The following PCDHGA9 variants were observed in gnomAD, a reference collection of about 807,000 sequenced individuals.
PCDHGA9 encodes the protein protocadherin gamma-A9.
A neutral mutation model predicts 62.5 loss-of-function variants in PCDHGA9; 37 were observed. The ratio of observed to expected loss-of-function variants is 0.59; its 90% CI spans 0.46 to 0.78. The LOEUF is 0.78. Among genes scored for constraint, PCDHGA9 ranks in the 30% least tolerant of loss-of-function variants. The probability of loss-of-function intolerance (pLI) is 0.00; values close to 1 mark genes in which losing one functional copy is unlikely to be tolerated. For synonymous variants in PCDHGA9, 459 were observed against 484.6 expected (o/e 0.95, Z 0.69); for missense variants, 1,138 against 1,166.2 (o/e 0.98, Z 0.35).
intron 1 of PCDHGA9, chr5:141,414,689 T>G (rs1256681548): frequency 1.2e-6 from 2 of 1,614,070 alleles, no homozygotes; most frequent in Non-Finnish European, 8.5e-7. Context: ...GGGGTACCTC[T>G]GTCCTCATAC....
chr5:141,434,795 T>C (rs1027924206), intron 1 of PCDHGA9, among the ~76,000 whole-genome samples: 2 of 152,004 alleles, frequency 1.3e-5, no homozygotes, highest in African/African-American at 2.4e-5. Context: ...TTTTTTTTTC[T>C]GAGCTTGGAG....
chr5:141,404,902 C>T lies in PCDHGA9; in HGVS notation c.1950C>T (p.Gly650=). 6.2e-7 allele frequency: 1 copy of T among 1,613,856 alleles called. No individual in the cohort carries two copies. The highest frequency in any genetic ancestry group is 8.5e-7 in the Non-Finnish European group (1 of 1,179,844). ...TTGTGGTGGCTGTACAGGACCATGG[C>T]CAGCCCCCTCTCTCGGCCACTGTCA... is the stretch of plus-strand genomic sequence containing the variant. ...QSLVVAVQDH[G]QPPLSATVTL... is the part of the protein sequence containing the mutation. The change falls in exon 1 of 4, where the codon GGC becomes GGT. Residue 650 remains glycine (G), a synonymous_variant. Transcript: ENST00000573521.
At chr5:141,413,025 A>G in intron 1 of PCDHGA9, 1 of 740,544 alleles carries the variant, frequency 1.4e-6, no homozygotes, top group Non-Finnish European at 2.1e-6. Context: ...CAAGCCCCAC[A>G]AACCGGCTGC....
intron 1 of PCDHGA9, among the ~76,000 whole-genome samples, chr5:141,456,866 G>A (rs2098893781): frequency 6.6e-6 from 1 of 152,170 alleles, no homozygotes; most frequent in African/African-American, 2.4e-5. Flanking sequence ...GGGAGGCTGA[G>A]GCAGGAGAAT....
chr5:141,403,986 C>A lies in PCDHGA9; in HGVS notation c.1034C>A (p.Pro345His), dbSNP rs367739607. Reference protein sequence around the residue: ...ISVEDVNDNRPEVTITSLFSP... With the variant: ...ISVEDVNDNRHEVTITSLFSP... ...GTGGAAGATGTAAATGACAATAGAC[C>A]TGAAGTGACCATTACATCTCTGTTT... Residue 345 changes from proline (P) to histidine (H), a missense_variant, in exon 1 of 4, where the codon CCT becomes CAT. Physicochemically the swap from Pro to His is moderately conservative, Grantham distance 77. Coordinates refer to ENST00000573521, the MANE Select transcript of PCDHGA9 (RefSeq NM_018921.3). 7.4e-6 allele frequency: 12 copies of A among 1,613,586 alleles called. No homozygotes were observed. The highest frequency in any genetic ancestry group is 1.7e-5 in the Admixed American group (1 of 59,980).
At chr5:141,501,116 C>T (rs1325487254) in intron 2 of PCDHGA9, among the ~76,000 whole-genome samples, 1 of 152,154 alleles carries the variant, frequency 6.6e-6, no homozygotes, top group Non-Finnish European at 1.5e-5. Flanking sequence ...ATCCGCCTGC[C>T]TCAGCCTCCC....
rs751318430 is a variant in PCDHGA9 at position 141,485,603 on chromosome 5, G to A, written c.2425-9204G>A. 1 of 1,612,482 alleles carries A rather than the reference G, an allele frequency of 6.2e-7. No homozygotes were observed. The stretch of plus-strand genomic sequence containing the variant: ...GCAGCAGCTGGACTTGGAAATTGGG[G>A]AGGCAGCTCCTCCAGGACAGCGTTT... On this transcript the variant is annotated intron_variant, in intron 1 of 3. Coordinates refer to ENST00000573521, the MANE Select transcript of PCDHGA9 (RefSeq NM_018921.3). This position sits in a 1 kb window ranked among gnomAD's most constrained non-coding sequence, Gnocchi z 5.7.
At chr5:141,421,044 C>T (rs556562994) in intron 1 of PCDHGA9, 3 of 548,494 alleles carry the variant, frequency 5.5e-6, no homozygotes, top group African/African-American at 1.9e-5. Context: ...CTCCCTCCCC[C>T]GCCTCTACCA....
At position 141,403,507 on chromosome 5, in the gene PCDHGA9, A is replaced by G. The variant is rs373170550; in HGVS notation, c.555A>G (p.Gly185=). 6.2e-7 allele frequency: 1 copy of G among 1,614,006 alleles called. No individual in the cohort carries two copies. Among genetic ancestry groups the G allele is most frequent in the Non-Finnish European group, 8.5e-7 (1 of 1,179,884 alleles). The change falls in exon 1 of 4, where the codon GGA becomes GGG. Residue 185 remains glycine, a synonymous_variant. Coordinates refer to ENST00000573521, the MANE Select transcript of PCDHGA9 (RefSeq NM_018921.3). The part of the protein sequence containing the change: ...NHHFSLNVQT[G]DNGAINPELV... ...ACTTCTCCCTGAACGTGCAGACTGG[A>G]GACAATGGAGCCATAAACCCAGAGC...
chr5:141,501,343 C>T (rs1202291965), intron 2 of PCDHGA9, among the ~76,000 whole-genome samples: 1 of 150,430 alleles, frequency 6.6e-6, no homozygotes, highest in Non-Finnish European at 1.5e-5. Context: ...ACCCCAAACT[C>T]AATAGGGCAA....
chr5:141,478,624 T>C (rs1300260980), intron 1 of PCDHGA9: 3 of 1,554,196 alleles, frequency 1.9e-6, no homozygotes, highest in Non-Finnish European at 2.6e-6. Context: ...AATGGAGCTG[T>C]TTTTTTAGTG....
At chr5:141,463,324 T>C (rs1413608053) in intron 1 of PCDHGA9, among the ~76,000 whole-genome samples, 1 of 150,722 alleles carries the variant, frequency 6.6e-6, no homozygotes, top group Non-Finnish European at 1.5e-5. Context: ...ATTCCTCAAC[T>C]CAGCAAAACC....
rs1369821635 is a variant in PCDHGA9, at chr5:141,512,208, G to T, written c.*1035G>T. ...TTCAGTCCAAGGAAGCTCGAAGCAG[G>T]TTTAGGACCAGGTCCCCTTGAGAGG... On this transcript the variant is annotated 3_prime_UTR_variant, in exon 4 of 4. Coordinates refer to ENST00000573521, the MANE Select transcript of PCDHGA9 (RefSeq NM_018921.3). 6.5e-6 allele frequency: 1 copy of T among 152,758 alleles called. No homozygotes were observed. The highest frequency in any genetic ancestry group is 2.4e-5 in the African/African-American group (1 of 41,454). The allele number at this position is 152,758 out of a possible 1,614,324, so 9.5% of individuals were successfully genotyped here.
intron 1 of PCDHGA9, chr5:141,422,893 C>A (rs1405800318): frequency 4.3e-6 from 7 of 1,614,246 alleles, no homozygotes; most frequent in Non-Finnish European, 5.9e-6. Context: ...CGTGCTGGAC[C>A]AGAACGACAA....
At chr5:141,427,883 C>T (rs2097084423) in intron 1 of PCDHGA9, 2 of 1,563,700 alleles carry the variant, frequency 1.3e-6, no homozygotes, top group African/African-American at 1.3e-5. Context: ...TGCAGGCCCA[C>T]GACCAGGGCT....
rs778589637 is a variant in PCDHGA9 at position 141,487,133 on chromosome 5, C to T, written c.2425-7674C>T. On this transcript the variant is annotated intron_variant, in intron 1 of 3. Coordinates refer to ENST00000573521, the MANE Select transcript of PCDHGA9 (RefSeq NM_018921.3). The surrounding 1 kb of genome is among the most constrained non-coding windows in gnomAD (Gnocchi z 5.0). ...TGTGGTAAAGGATAGTGGTAGTCCA[C>T]CACTCTCTACCTCTGTTACTCTCTT... 8.7e-6 allele frequency: 14 copies of T among 1,613,932 alleles called. No homozygotes were observed. In the South Asian group the frequency reaches 1.5e-4, roughly 18 times the overall value.
Position 141,404,100 on chromosome 5 carries a change from T to G in PCDHGA9, c.1148T>G (p.Val383Gly). The change falls in exon 1 of 4, where the codon GTC becomes GGC. Residue 383 changes from valine (V) to glycine (G), a missense_variant. Coordinates refer to ENST00000573521, the MANE Select transcript of PCDHGA9 (RefSeq NM_018921.3). ...GACTCCGGGAAGAATGGTCAAGTTG[T>G]CTGTTCTATCCAGGAGAATCTATCT... Reference protein sequence around the residue: ...DRDSGKNGQVVCSIQENLSFT... With the variant: ...DRDSGKNGQVGCSIQENLSFT... 1 of 1,613,618 alleles carries G rather than the reference T, an allele frequency of 6.2e-7. No homozygotes were observed. Among genetic ancestry groups the G allele is most frequent in the African/African-American group, 1.3e-5 (1 of 75,042 alleles).
At position 141,404,735 on chromosome 5, in the gene PCDHGA9, G is replaced by A. The variant is rs2094561317; in HGVS notation, c.1783G>A (p.Asp595Asn). The stretch of plus-strand genomic sequence containing the variant: ...CCTGGTGACCAAGGTGGTGGCAGTG[G>A]ACAGAGACTCAGGCCAGAATGCTTG... The part of the protein sequence containing the change: ...GYLVTKVVAV[D>N]RDSGQNAWLS... Residue 595 changes from aspartate to asparagine, a missense_variant, in exon 1 of 4, where the codon GAC (aspartate) becomes AAC (asparagine). Transcript: ENST00000573521. 6.2e-7 allele frequency: 1 copy of A among 1,614,014 alleles called. No homozygotes were observed. The highest frequency in any genetic ancestry group is 8.5e-7 in the Non-Finnish European group (1 of 1,180,032).
At chr5:141,452,908 A>G (rs747849272) in intron 1 of PCDHGA9, among the ~76,000 whole-genome samples, 5 of 152,222 alleles carry the variant, frequency 3.3e-5, no homozygotes, top group African/African-American at 4.8e-5. Flanking sequence ...AGTTGGCATT[A>G]TACAGTAAGA....
Sources: allele counts gnomAD v4.1 joint callset (sites outside exome capture counted in the v4.1 genomes callset), GRCh38; gene constraint gnomAD v4.1.1; non-coding constraint Gnocchi (gnomAD v3.1); transcripts MANE v1.5; gene names NCBI Gene and HGNC (gene_info 2026-07-23, HGNC 2026-07-21).